PRDM5: variants seen among roughly 807,000 people sequenced by gnomAD.
PRDM5 encodes PR domain zinc finger protein 5.
In PRDM5, 56 loss-of-function variants were observed where a neutral mutation model predicts 81.2. The observed-to-expected ratio is 0.69, with a 90% confidence interval of 0.56 to 0.86. The LOEUF is 0.86. Among genes scored for constraint, PRDM5 ranks in the 40% least tolerant of loss-of-function variants. The probability of loss-of-function intolerance (pLI) is 0.00; values close to 1 mark genes in which losing one functional copy is unlikely to be tolerated. For synonymous variants in PRDM5, 267 were observed against 256.4 expected (o/e 1.04, Z -0.39); for missense variants, 697 against 770.1 (o/e 0.91, Z 1.12).
intron 3 of PRDM5, among the ~76,000 whole-genome samples, chr4:120,822,967 T>C (rs1755482837): frequency 6.6e-6 from 1 of 152,232 alleles, no homozygotes; most frequent in Non-Finnish European, 1.5e-5. Context: ...ACTATTGGTA[T>C]TCTTAGTGCA....
chr4:120,839,368 T>C, intron 3 of PRDM5: 1 of 688,818 alleles, frequency 1.5e-6, no homozygotes, highest in South Asian at 1.5e-5. Context: ...AGAGGAAACC[T>C]GCAGGTTTTC....
chr4:120,906,875 T>A (rs995105691), intron 2 of PRDM5, among the ~76,000 whole-genome samples: 5 of 151,950 alleles, frequency 3.3e-5, no homozygotes, highest in African/African-American at 1.2e-4. Context: ...AGAAGTCAAG[T>A]TCTAAATTCA....
At chr4:120,883,970 C>T (rs1329715188) in intron 2 of PRDM5, among the ~76,000 whole-genome samples, 3 of 152,118 alleles carry the variant, frequency 2.0e-5, no homozygotes, top group African/African-American at 4.8e-5. Context: ...ATGAATTACA[C>T]ATTTAAAAGG....
chr4:120,702,510 G>A (rs547924289), intron 15 of PRDM5, among the ~76,000 whole-genome samples: 7 of 152,208 alleles, frequency 4.6e-5, no homozygotes, highest in South Asian at 2.1e-4. Context: ...CATGATTTGC[G>A]TTATTTTTTT....
intron 2 of PRDM5, among the ~76,000 whole-genome samples, chr4:120,864,968 C>T (rs1156957359): frequency 6.6e-6 from 1 of 152,210 alleles, no homozygotes; most frequent in East Asian, 1.9e-4. Flanking sequence ...CTGCTACAGA[C>T]ACAGCTGTGT....
intron 1 of PRDM5, among the ~76,000 whole-genome samples, chr4:120,909,711 G>A (rs528769809): frequency 1.2e-4 from 19 of 152,042 alleles, no homozygotes; most frequent in Admixed American, 1.2e-3. Context: ...ATGGGATCGG[G>A]GGGTGGGGGG....
intron 3 of PRDM5, among the ~76,000 whole-genome samples, chr4:120,833,400 T>C (rs1722622430): frequency 6.6e-6 from 1 of 152,138 alleles, no homozygotes; most frequent in South Asian, 2.1e-4. Flanking sequence ...CATGTAACCC[T>C]TATTCTACTT....
intron 13 of PRDM5, among the ~76,000 whole-genome samples, chr4:120,768,776 A>T (rs893031928): frequency 1.3e-5 from 2 of 152,234 alleles, no homozygotes; most frequent in Non-Finnish European, 2.9e-5. Flanking sequence ...CCAAGCTGAA[A>T]TCAAACAGTA....
intron 2 of PRDM5, among the ~76,000 whole-genome samples, chr4:120,880,735 T>C (rs1184344604): frequency 6.6e-6 from 1 of 152,154 alleles, no homozygotes; most frequent in Non-Finnish European, 1.5e-5. Context: ...AATATTCCAA[T>C]ATGTAAATAG....
chr4:120,770,512 A>G (rs1747120167), intron 13 of PRDM5, among the ~76,000 whole-genome samples: 1 of 149,896 alleles, frequency 6.7e-6, no homozygotes, highest in Non-Finnish European at 1.5e-5. Context: ...TTATTTGATC[A>G]TAGTTTTACG....
intron 3 of PRDM5, among the ~76,000 whole-genome samples, chr4:120,833,923 C>G (rs1757029472): frequency 6.6e-6 from 1 of 151,962 alleles, no homozygotes; most frequent in Non-Finnish European, 1.5e-5. Flanking sequence ...TAGATAAGTC[C>G]TAAACAAAAT....
intron 3 of PRDM5, among the ~76,000 whole-genome samples, chr4:120,832,807 A>G (rs1283650235): frequency 1.3e-5 from 2 of 152,146 alleles, no homozygotes; most frequent in Non-Finnish European, 2.9e-5. Context: ...ACAAATTCTT[A>G]AGAAGTCAAA....
intron 13 of PRDM5, among the ~76,000 whole-genome samples, chr4:120,775,054 T>A (rs1331599509): frequency 1.3e-5 from 2 of 151,292 alleles, no homozygotes. Context: ...ATTGTATGTG[T>A]TAGTTCATTG....
intron 3 of PRDM5, among the ~76,000 whole-genome samples, chr4:120,843,395 A>T (rs1260895513): frequency 6.6e-6 from 1 of 151,798 alleles, no homozygotes; most frequent in Non-Finnish European, 1.5e-5. Context: ...GACTACCATA[A>T]ATGAGCACAT....
In PRDM5 at chr4:120,745,015, T is replaced by C. The variant is rs1483815552; in HGVS notation, c.1623+9538A>G. Among the ~76,000 whole-genome samples the C allele has an allele frequency of 4.0e-5, 6 of 149,708 alleles. No homozygotes were observed. The East Asian group carries it at 9.7e-4, about 24-fold the overall frequency. On this transcript the variant is annotated intron_variant, in intron 14 of 15. Coordinates refer to ENST00000264808, the MANE Select transcript of PRDM5 (RefSeq NM_018699.4). ...TTAGACCAATATCCTTGATTAACACTGATGCAAAAATCCTCAATAAAATAC... is the reference window on the plus strand; with the variant it reads ...TTAGACCAATATCCTTGATTAACACCGATGCAAAAATCCTCAATAAAATAC...
Position 120,691,988 on chromosome 4 carries a change from C to T in PRDM5, c.*3123G>A, listed in dbSNP as rs1365487592. On this transcript the variant is annotated 3_prime_UTR_variant, in exon 16 of 16. Coordinates refer to ENST00000264808, the MANE Select transcript of PRDM5 (RefSeq NM_018699.4). ...ATGCTATTGGAATTCTATATTTACA[C>T]ATGCTCCATTTATATACACGCAAAC... is the stretch of plus-strand genomic sequence containing the variant. 2 of 151,962 alleles carry T rather than the reference C, an allele frequency of 1.3e-5. No individual in the cohort carries two copies. Among genetic ancestry groups the T allele is most frequent in the African/African-American group, 4.8e-5 (2 of 41,422 alleles). 9.4% of individuals were successfully genotyped at this position (151,962 alleles called of 1,614,324 possible). A position where few individuals can be genotyped will look rare whatever the true frequency, so the allele number is the denominator to read the frequency against.
intron 2 of PRDM5, among the ~76,000 whole-genome samples, chr4:120,877,339 T>C (rs1762416796): frequency 6.6e-6 from 1 of 152,208 alleles, no homozygotes; most frequent in African/African-American, 2.4e-5. Context: ...AGGTTGAAAT[T>C]TTAACTGAAT....
chr4:120,862,621 G>T (rs1760731772), intron 2 of PRDM5, among the ~76,000 whole-genome samples: 1 of 152,248 alleles, frequency 6.6e-6, no homozygotes, highest in East Asian at 1.9e-4. Context: ...GGAGAACTTG[G>T]CTCTCAGAGT....
rs147448233 is a variant in PRDM5 at position 120,734,518 on chromosome 4, C to T, written c.1623+20035G>A. On this transcript the variant is annotated intron_variant, in intron 14 of 15. Coordinates refer to ENST00000264808, the MANE Select transcript of PRDM5 (RefSeq NM_018699.4). Reference sequence around the variant, plus strand: ...CAAACTATAAGAAATGCCTTTATTGCTGGATTTCTCAGAATCTGGAATATG... The same window carrying T: ...CAAACTATAAGAAATGCCTTTATTGTTGGATTTCTCAGAATCTGGAATATG... Among the ~76,000 whole-genome samples, 884 of 152,116 alleles carry T rather than the reference C, an allele frequency of 5.8e-3. 7 individuals are homozygous for T. Among genetic ancestry groups the T allele is most frequent in the African/African-American group, 0.02 (819 of 41,454 alleles).
Sources: gnomAD v4.1 joint callset for allele counts (sites outside exome capture counted in the v4.1 genomes callset) on GRCh38, gnomAD v4.1.1 for gene constraint, MANE v1.5 for transcripts, NCBI Gene and HGNC (gene_info 2026-07-23, HGNC 2026-07-21) for gene names.